SBF2: variants seen among roughly 807,000 people sequenced by gnomAD.
The protein encoded by SBF2 is myotubularin-related protein 13.
SBF2 carries 112 observed loss-of-function variants against 225.2 expected under a neutral mutation model. The ratio of observed to expected loss-of-function variants is 0.50; its 90% CI spans 0.43 to 0.58. SBF2 has a LOEUF of 0.58. Ranked by LOEUF, SBF2 falls within the 20% of genes least tolerant of loss-of-function variation. SBF2 has a pLI of 0.00. For synonymous variants in SBF2, 763 were observed against 773.3 expected (o/e 0.99, Z 0.22); for missense variants, 1,996 against 2,206.2 (o/e 0.90, Z 1.91).
At chr11:10,271,128 G>A (rs1247934494) in intron 1 of SBF2, among the ~76,000 whole-genome samples, 1 of 151,818 alleles carries the variant, frequency 6.6e-6, no homozygotes, top group East Asian at 1.9e-4. Context: ...CCACTGGAGT[G>A]GTTATGATCA....
intron 2 of SBF2, among the ~76,000 whole-genome samples, chr11:10,142,755 T>C (rs1395298639): frequency 2.6e-5 from 4 of 152,234 alleles, no homozygotes; most frequent in Admixed American, 6.5e-5. Context: ...AAACCACTGA[T>C]ACTTAGCACT....
Position 9,967,910 on chromosome 11 carries a change from A to T in SBF2, c.1600+431T>A, listed in dbSNP as rs1483200860. ...AGCCTGGGCAACAAGGGTGAAACTCAATCTGTCTGTCTGTCTGTCTGTCTG... is the reference window on the plus strand; with the variant it reads ...AGCCTGGGCAACAAGGGTGAAACTCTATCTGTCTGTCTGTCTGTCTGTCTG... On this transcript the variant is annotated intron_variant, in intron 14 of 39. Transcript: ENST00000256190. 4.5e-5 allele frequency among the ~76,000 whole-genome samples: 6 copies of T among 132,924 alleles called. No individual in the cohort carries two copies. The South Asian group carries it at 1.3e-3, about 29-fold the overall frequency. The allele number at this position is 132,924 out of a possible 152,430, so 87.2% of individuals were successfully genotyped here.
intron 2 of SBF2, among the ~76,000 whole-genome samples, chr11:10,118,363 A>G (rs1953267049): frequency 6.6e-6 from 1 of 152,204 alleles, no homozygotes; most frequent in African/African-American, 2.4e-5. Context: ...GTCAAGTGTC[A>G]GGCAGAATAA....
chr11:9,849,938 G>T, intron 22 of SBF2, 85 bp downstream of exon 22: 1 of 1,283,810 alleles, frequency 7.8e-7, no homozygotes, highest in Non-Finnish European at 1.1e-6. Flanking sequence ...GATTTAAAAT[G>T]ATCTGCAAAT....
At chr11:10,110,973 C>T (rs74901960) in intron 2 of SBF2, among the ~76,000 whole-genome samples, 2,268 of 152,176 alleles carry the variant, frequency 0.015, 45 homozygotes, top group African/African-American at 0.039. Flanking sequence ...ATGCAAATTA[C>T]AGCAGTACAG....
chr11:10,196,866 A>ATATATATATATTT, intron 1 of SBF2, among the ~76,000 whole-genome samples: 5 of 99,310 alleles, frequency 5.0e-5, no homozygotes, highest in Non-Finnish European at 9.9e-5. Context: ...ATATATATAT[A>ATATATATATATTT]TTTTTTTTTT....
intron 17 of SBF2, among the ~76,000 whole-genome samples, chr11:9,894,549 T>C (rs1363313475): frequency 6.7e-6 from 1 of 150,274 alleles, no homozygotes; most frequent in Non-Finnish European, 1.5e-5. Flanking sequence ...CTGGGTGTGG[T>C]GGTGTGTGCC....
intron 1 of SBF2, among the ~76,000 whole-genome samples, chr11:10,233,260 C>A (rs1321489701): frequency 6.6e-6 from 1 of 151,936 alleles, no homozygotes; most frequent in African/African-American, 2.4e-5. Context: ...TCAATTCTTT[C>A]CATTTTTATC....
chr11:9,863,498 A>G (rs947051804), intron 17 of SBF2, among the ~76,000 whole-genome samples: 3 of 152,212 alleles, frequency 2.0e-5, no homozygotes, highest in Non-Finnish European at 2.9e-5. Flanking sequence ...TCCCTGGAAT[A>G]TAAGTGTACC....
At chr11:10,037,057 T>G (rs1444100083) in intron 3 of SBF2, among the ~76,000 whole-genome samples, 1 of 152,164 alleles carries the variant, frequency 6.6e-6, no homozygotes, top group East Asian at 1.9e-4. Context: ...TTAATCATAG[T>G]TAATCCAGTG....
chr11:10,115,972 C>T lies in SBF2; in HGVS notation c.142-72991G>A, dbSNP rs549900628. Among the ~76,000 whole-genome samples, 3 of 152,168 alleles carry T rather than the reference C, an allele frequency of 2.0e-5. No homozygotes were observed. In the East Asian group the frequency reaches 5.8e-4, roughly 29 times the overall value. Reference sequence around the variant, plus strand: ...ACGAGGTCAGGAGATTGAGACCATCCTGGCTAACACGGTGAAACCCCATCT... The same window carrying T: ...ACGAGGTCAGGAGATTGAGACCATCTTGGCTAACACGGTGAAACCCCATCT... On this transcript the variant is annotated intron_variant, in intron 2 of 39. Transcript: ENST00000256190.
chr11:10,248,392 T>C (rs1432057903), intron 1 of SBF2, among the ~76,000 whole-genome samples: 1 of 152,222 alleles, frequency 6.6e-6, no homozygotes, highest in Non-Finnish European at 1.5e-5. Flanking sequence ...AAATGCTTCA[T>C]AAAATGCCAC....
At chr11:9,958,005 G>T (rs1395105028) in intron 16 of SBF2, 1 of 152,018 alleles carries the variant, frequency 6.6e-6, no homozygotes, top group South Asian at 2.1e-4. Context: ...TAGAAAGTTG[G>T]TTATAATCTT....
At chr11:10,164,939 C>G (rs1310247488) in intron 2 of SBF2, 1 of 152,210 alleles carries the variant, frequency 6.6e-6, no homozygotes, top group Admixed American at 6.5e-5. Context: ...ATTAATAAAT[C>G]CTCATCTATT....
rs370403193 is a variant in SBF2 at position 9,898,272 on chromosome 11, C to T, written c.1861-2261G>A. ...CTTTCTAGCCTGAGTGCTTTTGGTA[C>T]TAGGATCAGCTAAAAGAGTTTTCAA... On this transcript the variant is annotated intron_variant, in intron 16 of 39. Transcript: ENST00000256190. Among the ~76,000 whole-genome samples the T allele has an allele frequency of 1.2e-4, 18 of 152,224 alleles. 1 individual carries two copies. The South Asian group carries it at 3.7e-3, about 32-fold the overall frequency.
chr11:9,999,758 T>C (rs989005756), intron 8 of SBF2, among the ~76,000 whole-genome samples: 1 of 152,210 alleles, frequency 6.6e-6, no homozygotes, highest in Non-Finnish European at 1.5e-5. Flanking sequence ...CAAAATTAAA[T>C]AGGAACTAAG....
intron 3 of SBF2, among the ~76,000 whole-genome samples, chr11:10,034,739 T>C (rs1949373702): frequency 6.6e-6 from 1 of 152,196 alleles, no homozygotes; most frequent in Admixed American, 6.5e-5. Flanking sequence ...ATGTAATATA[T>C]AGCAAGTATA....
intron 2 of SBF2, among the ~76,000 whole-genome samples, chr11:10,053,940 T>C (rs1950156508): frequency 6.6e-6 from 1 of 151,046 alleles, no homozygotes; most frequent in African/African-American, 2.4e-5. Context: ...AAAAAAAAAG[T>C]TCAGAGAAAA....
At chr11:10,072,351 A>G (rs1242663581) in intron 2 of SBF2, among the ~76,000 whole-genome samples, 1 of 152,208 alleles carries the variant, frequency 6.6e-6, no homozygotes, top group Non-Finnish European at 1.5e-5. Context: ...TAGTCAGCAC[A>G]AAGTGTTGAC....
Sources: allele counts gnomAD v4.1 joint callset (sites outside exome capture counted in the v4.1 genomes callset), GRCh38; gene constraint gnomAD v4.1.1; transcripts MANE v1.5; gene names NCBI Gene and HGNC (gene_info 2026-07-23, HGNC 2026-07-21).